Variants in AAK1 observed in about 807,000 individuals in gnomAD.
The protein encoded by AAK1 is AP2-associated protein kinase 1.
AAK1 carries 37 observed loss-of-function variants against 116.0 expected under a neutral mutation model. The ratio of observed to expected loss-of-function variants is 0.32; its 90% CI spans 0.25 to 0.42. The LOEUF (loss-of-function observed/expected upper bound fraction) is 0.42. Ranked by LOEUF, AAK1 falls within the 10% of genes least tolerant of loss-of-function variation. The pLI is 1.00. For synonymous variants in AAK1, 458 were observed against 439.9 expected (o/e 1.04, Z -0.51); for missense variants, 919 against 1,170.6 (o/e 0.79, Z 3.14).
At chr2:69,576,325 C>T (rs1205278907) in intron 2 of AAK1, among the ~76,000 whole-genome samples, 9 of 151,476 alleles carry the variant, frequency 5.9e-5, no homozygotes, top group Admixed American at 2.0e-4. Context: ...AACAATTATG[C>T]TTGAGGTTTT....
intron 5 of AAK1, among the ~76,000 whole-genome samples, chr2:69,536,463 G>C (rs780440207): frequency 3.3e-5 from 5 of 152,194 alleles, no homozygotes; most frequent in Non-Finnish European, 5.9e-5. Context: ...GGTGTGAATA[G>C]ATTATGTGAG....
chr2:69,481,089 G>T, intron 18 of AAK1, 128 bp from the exon 19 acceptor site: 1 of 789,600 alleles, frequency 1.3e-6, no homozygotes, highest in Non-Finnish European at 1.9e-6. Context: ...TCTTGCTCCT[G>T]AGCTCAAGCG....
chr2:69,571,549 AC>A (rs2105120055), intron 2 of AAK1, among the ~76,000 whole-genome samples: 1 of 152,342 alleles, frequency 6.6e-6, no homozygotes, highest in South Asian at 2.1e-4. Context: ...GTCACCTTGC[AC>A]CAATATGTCT....
At chr2:69,581,501 A>C (rs1672540933) in intron 2 of AAK1, among the ~76,000 whole-genome samples, 2 of 152,164 alleles carry the variant, frequency 1.3e-5, no homozygotes, top group African/African-American at 4.8e-5. Flanking sequence ...AGTATTCTCT[A>C]AATACGTTTG....
At chr2:69,592,726 TCA>T (rs1673085569) in intron 2 of AAK1, among the ~76,000 whole-genome samples, 1 of 152,200 alleles carries the variant, frequency 6.6e-6, no homozygotes, top group East Asian at 1.9e-4. Flanking sequence ...ACCCTGAGAT[TCA>T]CAGTTCTACC....
intron 5 of AAK1, among the ~76,000 whole-genome samples, chr2:69,534,232 A>C (rs943628745): frequency 2.0e-5 from 3 of 152,202 alleles, no homozygotes; most frequent in African/African-American, 7.2e-5. Flanking sequence ...GCTAAATGTC[A>C]CACAGCCAAT....
chr2:69,513,480 C>T (rs894871447), intron 13 of AAK1, among the ~76,000 whole-genome samples: 2 of 152,054 alleles, frequency 1.3e-5, no homozygotes, highest in Admixed American at 1.3e-4. Context: ...CCACCACGCC[C>T]GGCTAATTTT....
intron 2 of AAK1, among the ~76,000 whole-genome samples, chr2:69,574,905 C>T (rs1329206478): frequency 6.6e-6 from 1 of 150,748 alleles, no homozygotes; most frequent in Non-Finnish European, 1.5e-5. Flanking sequence ...ATACATTAAA[C>T]TATGATACAT....
intron 11 of AAK1, chr2:69,520,153 G>T: frequency 4.4e-6 from 1 of 228,312 alleles, no homozygotes. Flanking sequence ...AGCTGCCCTG[G>T]ACTGAACTCA....
chr2:69,629,790 A>G lies in AAK1; in HGVS notation c.163+13088T>C, dbSNP rs80000771. On this transcript the variant is annotated intron_variant, in intron 2 of 21. Coordinates refer to ENST00000409085, the MANE Select transcript of AAK1 (RefSeq NM_014911.5). ...TTACGAGTACTCAATTGGATACAAAATAAGCCTAAGGCAATAACTAATTAT... is the reference window on the plus strand; with the variant it reads ...TTACGAGTACTCAATTGGATACAAAGTAAGCCTAAGGCAATAACTAATTAT... Among the ~76,000 whole-genome samples, 158 of 152,360 alleles carry G rather than the reference A, an allele frequency of 1.0e-3. 1 individual carries two copies. In the East Asian group the frequency reaches 0.028, roughly 27 times the overall value.
intron 2 of AAK1, among the ~76,000 whole-genome samples, chr2:69,608,328 C>G (rs890876009): frequency 1.1e-4 from 17 of 152,206 alleles, no homozygotes; most frequent in Admixed American, 8.5e-4. Flanking sequence ...AGGGCTGGGT[C>G]TGGCACGGGC....
At chr2:69,594,695 T>C (rs1342417453) in intron 2 of AAK1, 4 of 631,168 alleles carry the variant, frequency 6.3e-6, no homozygotes, top group African/African-American at 1.8e-5. Flanking sequence ...TAAGTGAATA[T>C]AAACTCAAGG....
chr2:69,572,402 G>A (rs567330746), intron 2 of AAK1, among the ~76,000 whole-genome samples: 1 of 152,090 alleles, frequency 6.6e-6, no homozygotes, highest in Non-Finnish European at 1.5e-5. Flanking sequence ...CAGATCACCT[G>A]AGGTGAGGAA....
At position 69,544,557 on chromosome 2, in the gene AAK1, G is replaced by A. The variant is rs745823757; in HGVS notation, c.283-13C>T. 2.5e-6 allele frequency: 4 copies of A among 1,581,300 alleles called. No individual in the cohort carries two copies. The highest frequency in any genetic ancestry group is 3.5e-6 in the Non-Finnish European group (4 of 1,150,332). On this transcript the variant is annotated splice_polypyrimidine_tract_variant and intron_variant, in intron 3 of 21. Coordinates refer to ENST00000409085, the MANE Select transcript of AAK1 (RefSeq NM_014911.5). ...CTGAAAGATCCCTCTGTGAACAAGA[G>A]AGGAGAAATATATTGTTAGTTTCAG...
chr2:69,540,671 A>G (rs6546528), intron 5 of AAK1, among the ~76,000 whole-genome samples: 80,979 of 152,050 alleles, frequency 0.53, 23,368 homozygotes, highest in East Asian at 0.77. Context: ...AAATAGTGTG[A>G]CTACTTTGGA....
intron 5 of AAK1, 142 bp from the exon 6 acceptor site, chr2:69,532,304 T>C (rs1670292533): frequency 9.9e-7 from 1 of 1,013,014 alleles, no homozygotes; most frequent in African/African-American, 1.6e-5. Flanking sequence ...TCTCCAAGTA[T>C]CTCAACAGGG....
chr2:69,602,857 G>A (rs1001252525), intron 2 of AAK1, among the ~76,000 whole-genome samples: 6 of 152,190 alleles, frequency 3.9e-5, no homozygotes, highest in Admixed American at 6.5e-5. Context: ...AATATGAAAC[G>A]CTTCCTCATT....
Position 69,643,661 on chromosome 2 carries a change from C to T in AAK1, c.-321G>A. 1 of 1,226,154 alleles carries T rather than the reference C, an allele frequency of 8.2e-7. No homozygotes were observed. 76.0% of individuals were successfully genotyped at this position (1,226,154 alleles called of 1,614,324 possible). On this transcript the variant is annotated 5_prime_UTR_variant, in exon 1 of 22. Transcript: ENST00000409085. Reference sequence around the variant, plus strand: ...GCCGGCCTGCGACGCAGAGAAGAGGCGGCGCTGCAGCGAGAGCCGGGGCCG... The same window carrying T: ...GCCGGCCTGCGACGCAGAGAAGAGGTGGCGCTGCAGCGAGAGCCGGGGCCG...
chr2:69,558,197 G>A (rs1671469671), intron 2 of AAK1, among the ~76,000 whole-genome samples: 1 of 152,038 alleles, frequency 6.6e-6, no homozygotes, highest in African/African-American at 2.4e-5. Context: ...ACAAAAATTA[G>A]CGAGGCATGG....
Sources: allele counts gnomAD v4.1 joint callset (sites outside exome capture counted in the v4.1 genomes callset), GRCh38; gene constraint gnomAD v4.1.1; transcripts MANE v1.5; gene names NCBI Gene and HGNC (gene_info 2026-07-23, HGNC 2026-07-21).